TEX11: variants seen among roughly 807,000 people sequenced by gnomAD.
TEX11 encodes the protein testis-expressed protein 11.
TEX11 carries 7 observed loss-of-function variants against 84.4 expected under a neutral mutation model. The ratio of observed to expected loss-of-function variants is 0.08; its 90% CI spans 0.05 to 0.16. The LOEUF (loss-of-function observed/expected upper bound fraction) is 0.16. TEX11 is among the 10% of genes least tolerant of loss of function. The probability of loss-of-function intolerance (pLI) is 1.00; values close to 1 mark genes in which losing one functional copy is unlikely to be tolerated. For missense variants in TEX11, 551 were observed against 660.5 expected (o/e 0.83, Z 1.82); for synonymous variants, 264 against 222.8 (o/e 1.18, Z -1.64).
At chrX:70,886,331 A>T (rs1441553210) in intron 2 of TEX11, among the ~76,000 whole-genome samples, 1 of 112,117 alleles carries the variant, frequency 8.9e-6, no homozygotes, top group East Asian at 2.8e-4. Context: ...TAAGTGAAAT[A>T]AGCTAGTCAC....
At chrX:70,519,250 CG>C in the TEX11 span, among the ~76,000 whole-genome samples, 52 of 111,831 alleles carry the variant, frequency 4.6e-4, no homozygotes, top group South Asian at 2.3e-3. Flanking sequence ...GTGGCTGGTA[CG>C]GGTTGTTCCT....
chrX:70,826,042 G>A (rs868811327), intron 8 of TEX11, among the ~76,000 whole-genome samples: 4 of 109,821 alleles, frequency 3.6e-5, no homozygotes, highest in Admixed American at 9.7e-5. Flanking sequence ...AGTGGCTCAC[G>A]CCTGTAATTC....
the TEX11 span, among the ~76,000 whole-genome samples, chrX:70,512,739 G>T: frequency 9.2e-6 from 1 of 109,124 alleles, no homozygotes; most frequent in African/African-American, 3.4e-5. Flanking sequence ...GAATGAAGTT[G>T]GTGACTTCCT....
At chrX:70,654,984 A>G (rs987513014) in intron 16 of TEX11, among the ~76,000 whole-genome samples, 7 of 110,169 alleles carry the variant, frequency 6.4e-5, no homozygotes, top group South Asian at 7.8e-4. Context: ...TTAATATCAG[A>G]CAAAAATGAC....
At chrX:70,674,681 G>C (rs2090054439) in intron 15 of TEX11, among the ~76,000 whole-genome samples, 1 of 111,604 alleles carries the variant, frequency 9.0e-6, no homozygotes, top group African/African-American at 3.3e-5. Context: ...TAACCAATTT[G>C]TATCTTTATG....
chrX:70,673,388 A>G (rs1453735895), intron 15 of TEX11: 1 of 111,430 alleles, frequency 9.0e-6, no homozygotes, highest in Non-Finnish European at 1.9e-5. Context: ...CTCTCAAAGC[A>G]CTGGGATTAC....
At chrX:70,557,417 C>G (rs2088301985) in intron 25 of TEX11, among the ~76,000 whole-genome samples, 1 of 107,953 alleles carries the variant, frequency 9.3e-6, no homozygotes, top group African/African-American at 3.4e-5. Flanking sequence ...TTGTAGTGAG[C>G]TGACATCGCA....
chrX:70,511,994 T>C, the TEX11 span, among the ~76,000 whole-genome samples: 1 of 105,658 alleles, frequency 9.5e-6, no homozygotes, highest in Non-Finnish European at 1.9e-5. Flanking sequence ...CTAAACTCCT[T>C]AGGTAGATAT....
intron 13 of TEX11, among the ~76,000 whole-genome samples, chrX:70,698,782 A>C (rs2090302689): frequency 9.0e-6 from 1 of 111,271 alleles, no homozygotes; most frequent in Non-Finnish European, 1.9e-5. Flanking sequence ...AAAAGGAGTA[A>C]AGAGGAAAAT....
chrX:70,571,163 C>A (rs1298458253), intron 25 of TEX11, among the ~76,000 whole-genome samples: 1 of 110,980 alleles, frequency 9.0e-6, no homozygotes. Context: ...TGATTACAGG[C>A]ATGTGCCACC....
chrX:70,784,062 T>C (rs1414144502), intron 9 of TEX11, among the ~76,000 whole-genome samples: 1 of 111,794 alleles, frequency 8.9e-6, no homozygotes, highest in Admixed American at 9.5e-5. Context: ...TGACGAACAT[T>C]GATGCAAAAA....
chrX:70,869,622 A>C (rs2091619803), intron 4 of TEX11, among the ~76,000 whole-genome samples: 1 of 111,582 alleles, frequency 9.0e-6, no homozygotes, highest in South Asian at 3.8e-4. Context: ...CAAAAAATAC[A>C]AAAATTAGTA....
At chrX:70,672,348 T>C (rs1244847825) in intron 15 of TEX11, among the ~76,000 whole-genome samples, 1 of 111,802 alleles carries the variant, frequency 8.9e-6, no homozygotes, top group Admixed American at 9.5e-5. Flanking sequence ...GGATAAATAA[T>C]TCCTTTTCTC....
At chrX:70,858,721 C>T (rs779718293) in intron 5 of TEX11, among the ~76,000 whole-genome samples, 1 of 111,538 alleles carries the variant, frequency 9.0e-6, no homozygotes, top group Non-Finnish European at 1.9e-5. Flanking sequence ...CAAAATTATA[C>T]ATGTTGAATT....
At chrX:70,695,120 C>A (rs765691816) in intron 13 of TEX11, among the ~76,000 whole-genome samples, 1 of 112,162 alleles carries the variant, frequency 8.9e-6, no homozygotes, top group Non-Finnish European at 1.9e-5. Context: ...CTTTTCACTT[C>A]TATGTATTTA....
intron 8 of TEX11, among the ~76,000 whole-genome samples, chrX:70,810,464 TA>T: frequency 9.0e-6 from 1 of 111,485 alleles, no homozygotes; most frequent in Non-Finnish European, 1.9e-5. Context: ...TATGCAGCCA[TA>T]AAAAAGAATG....
At chrX:70,893,642 A>G (rs2091751224) in intron 2 of TEX11, among the ~76,000 whole-genome samples, 1 of 111,646 alleles carries the variant, frequency 9.0e-6, no homozygotes, top group South Asian at 3.8e-4. Context: ...TGAAATTGAC[A>G]CCCAAACATC....
chrX:70,568,670 A>C (rs780046343), intron 25 of TEX11, among the ~76,000 whole-genome samples: 1 of 110,763 alleles, frequency 9.0e-6, no homozygotes, highest in Non-Finnish European at 1.9e-5. Context: ...TATGAAGCTT[A>C]GTTTGGCTGG....
intron 9 of TEX11, among the ~76,000 whole-genome samples, chrX:70,752,378 A>C (rs2090832943): frequency 9.2e-6 from 1 of 109,077 alleles, no homozygotes; most frequent in Admixed American, 9.9e-5. Context: ...TACAAAAATT[A>C]GCCGGGCGTG....
Sources: gnomAD v4.1 joint callset for allele counts (sites outside exome capture counted in the v4.1 genomes callset) on GRCh38, gnomAD v4.1.1 for gene constraint, MANE v1.5 for transcripts, NCBI Gene and HGNC (gene_info 2026-07-23, HGNC 2026-07-21) for gene names.